Variants in BCAR1 observed in about 807,000 individuals in gnomAD.
BCAR1 encodes the protein breast cancer anti-estrogen resistance protein 1.
In BCAR1, 30 loss-of-function variants were observed where a neutral mutation model predicts 67.6. The observed-to-expected ratio is 0.44, with a 90% confidence interval of 0.33 to 0.60. BCAR1 has a LOEUF of 0.60. BCAR1 is among the 20% of genes least tolerant of loss of function. The pLI is 0.02. For synonymous variants in BCAR1, 626 were observed against 556.7 expected (o/e 1.12, Z -1.75); for missense variants, 1,313 against 1,222.3 (o/e 1.07, Z -1.11).
At chr16:75,262,742 C>T (rs1363760940) in intron 1 of BCAR1, among the ~76,000 whole-genome samples, 1 of 152,228 alleles carries the variant, frequency 6.6e-6, no homozygotes, top group Non-Finnish European at 1.5e-5. Context: ...CAACCAGATG[C>T]TAAGGCTGGT....
chr16:75,245,815 G>A (rs1427892243), intron 1 of BCAR1, among the ~76,000 whole-genome samples: 3 of 152,178 alleles, frequency 2.0e-5, no homozygotes, highest in African/African-American at 7.2e-5. Flanking sequence ...TCTGCCTCCT[G>A]TTCTGTTCCC....
chr16:75,251,840 T>A (rs2077689881), upstream of BCAR1: 1 of 261,266 alleles, frequency 3.8e-6, no homozygotes, highest in Non-Finnish European at 5.8e-6. Flanking sequence ...AGGCCAGGCT[T>A]CCAGCCTAGG....
intron 2 of BCAR1, among the ~76,000 whole-genome samples, chr16:75,240,261 G>A (rs1184851273): frequency 6.6e-6 from 1 of 152,176 alleles, no homozygotes; most frequent in Admixed American, 6.5e-5. Flanking sequence ...CACTACCCTG[G>A]AACTGGGAGA....
chr16:75,252,385 G>A (rs2077700163), upstream of BCAR1: 1 of 1,501,952 alleles, frequency 6.7e-7, no homozygotes. Flanking sequence ...GCGACATGGG[G>A]TAGGAGAGCG....
At chr16:75,231,121 G>C (rs1302121910) in intron 6 of BCAR1, among the ~76,000 whole-genome samples, 3 of 148,826 alleles carry the variant, frequency 2.0e-5, no homozygotes, top group African/African-American at 7.4e-5. Context: ...TTTTTAAATG[G>C]AGTCTTGCTC....
rs2076839515 is a variant in BCAR1, at chr16:75,229,991, C to T, written c.2133G>A (p.Val711=). The change falls in exon 7 of 7, where the codon GTG becomes GTA. Residue 711 remains valine (V), a synonymous_variant. Transcript: ENST00000162330. ...LKQFERLEQE[V]SRPIDHDLAN... ...CCAGGTCGTGGTCTATGGGCCGTGA[C>T]ACCTCCTGTTCCAGTCGTTCAAACT... 3.8e-6 allele frequency: 6 copies of T among 1,566,744 alleles called. No homozygotes were observed. Among genetic ancestry groups the T allele is most frequent in the Non-Finnish European group, 2.6e-6 (3 of 1,154,240 alleles).
intron 1 of BCAR1, chr16:75,267,803 C>T: frequency 1.7e-6 from 2 of 1,171,746 alleles, no homozygotes; most frequent in Non-Finnish European, 2.4e-6. Context: ...GAGCTGGACC[C>T]TCCAATCCAT....
At position 75,242,918 on chromosome 16, in the gene BCAR1, A is replaced by G. The variant is rs2077401047; in HGVS notation, c.185T>C (p.Ile62Thr). 1 of 1,612,430 alleles carries G rather than the reference A, an allele frequency of 6.2e-7. No homozygotes were observed. Among genetic ancestry groups the G allele is most frequent in the African/African-American group, 1.3e-5 (1 of 74,870 alleles). The change falls in exon 2 of 7, where the codon ATC becomes ACC. Residue 62 changes from isoleucine (I) to threonine (T), a missense_variant. By Grantham distance (89) the Ile-to-Thr change is moderately conservative. Transcript: ENST00000162330. ...QGIVPGNRLK[I>T]LVGMYDKKPA... ...CTTCTTATCATACATGCCCACCAAG[A>G]TCTTGAGGCGGTTCCCAGGCACGAT... is the stretch of plus-strand genomic sequence containing the variant.
At chr16:75,236,112 G>GTA in intron 4 of BCAR1, 126 bp from the exon 5 acceptor site, 2 of 1,229,838 alleles carry the variant, frequency 1.6e-6, no homozygotes, top group Non-Finnish European at 2.2e-6. Context: ...AGAGGCACGC[G>GTA]CACACACACA....
At chr16:75,249,905 G>A (rs1296282746) in intron 1 of BCAR1, 1 of 152,286 alleles carries the variant, frequency 6.6e-6, no homozygotes, top group Non-Finnish European at 1.5e-5. Flanking sequence ...CAGAAGACGA[G>A]GTTCTGGATC....
At chr16:75,239,969 C>G (rs1199390988) in intron 2 of BCAR1, among the ~76,000 whole-genome samples, 1 of 152,228 alleles carries the variant, frequency 6.6e-6, no homozygotes, top group Non-Finnish European at 1.5e-5. Flanking sequence ...CAGACGCCTT[C>G]CCCCGGGGGT....
intron 1 of BCAR1, among the ~76,000 whole-genome samples, chr16:75,261,502 T>A (rs2077907539): frequency 6.6e-6 from 1 of 152,252 alleles, no homozygotes; most frequent in Non-Finnish European, 1.5e-5. Context: ...AGACCACACC[T>A]GAGCAGAGGC....
intron 2 of BCAR1, among the ~76,000 whole-genome samples, chr16:75,237,753 G>T (rs2077192404): frequency 1.3e-5 from 2 of 152,298 alleles, no homozygotes; most frequent in South Asian, 4.1e-4. Context: ...AGGACAAGAG[G>T]CCACGTCGGA....
At chr16:75,264,797 TC>T in intron 1 of BCAR1, 1 of 443,592 alleles carries the variant, frequency 2.3e-6, no homozygotes, top group Non-Finnish European at 3.3e-6. Context: ...GAGGAGCAGT[TC>T]CAGAAACAAG....
chr16:75,256,516 G>C (rs192932114), upstream of BCAR1, among the ~76,000 whole-genome samples: 1,706 of 90,108 alleles, frequency 0.019, 22 homozygotes, highest in African/African-American at 0.055. Flanking sequence ...AGCACGGATG[G>C]GGGGGGGTGG....
At chr16:75,263,380 C>T (rs1195345290) in intron 1 of BCAR1, 1 of 985,272 alleles carries the variant, frequency 1.0e-6, no homozygotes, top group African/African-American at 1.7e-5. Flanking sequence ...AGAGTCAGGC[C>T]CAGAGCGCTG....
intron 1 of BCAR1, among the ~76,000 whole-genome samples, chr16:75,257,374 G>C (rs940868567): frequency 1.3e-5 from 2 of 152,222 alleles, no homozygotes; most frequent in Non-Finnish European, 1.5e-5. Context: ...AATCACAAGA[G>C]GGGACCCTGG....
At chr16:75,261,707 C>A (rs2077911402) in intron 1 of BCAR1, among the ~76,000 whole-genome samples, 1 of 152,182 alleles carries the variant, frequency 6.6e-6, no homozygotes, top group African/African-American at 2.4e-5. Flanking sequence ...CATGCCCGGG[C>A]AGGGGAGAGG....
chr16:75,230,598 G>A (rs144520658), intron 6 of BCAR1, among the ~76,000 whole-genome samples: 69 of 152,254 alleles, frequency 4.5e-4, no homozygotes, highest in Admixed American at 9.8e-4. Flanking sequence ...AACCACACAC[G>A]AAAGTTAACA....
Sources: allele counts gnomAD v4.1 joint callset (sites outside exome capture counted in the v4.1 genomes callset), GRCh38; gene constraint gnomAD v4.1.1; transcripts MANE v1.5; gene names NCBI Gene and HGNC (gene_info 2026-07-23, HGNC 2026-07-21).